Variants in ANKRD62 observed in about 807,000 individuals in gnomAD.
ANKRD62 encodes ankyrin repeat domain 62.
Under a neutral mutation model 98.8 loss-of-function variants are expected in ANKRD62, and 61 were observed. The observed-to-expected ratio is 0.62, with a 90% CI of 0.50 to 0.76. ANKRD62 has a LOEUF of 0.76. Ranked by LOEUF, ANKRD62 falls within the 30% of genes least tolerant of loss-of-function variation. The pLI is 0.00. For synonymous variants in ANKRD62, 341 were observed against 367.9 expected (o/e 0.93, Z 0.84); for missense variants, 933 against 1,082.9 (o/e 0.86, Z 1.94).
chr18:12,141,183 G>T, the ANKRD62 span, among the ~76,000 whole-genome samples: 1 of 152,214 alleles, frequency 6.6e-6, no homozygotes, highest in Non-Finnish European at 1.5e-5. Flanking sequence ...CTGGTGTGCC[G>T]TTTGTTAAGC....
chr18:12,102,263 C>A (rs1440003300), intron 6 of ANKRD62: 2 of 761,256 alleles, frequency 2.6e-6, no homozygotes, highest in African/African-American at 3.4e-5. Context: ...CACTGACGAC[C>A]CTCTCACTAG....
the ANKRD62 span, among the ~76,000 whole-genome samples, chr18:12,151,556 G>T: frequency 6.6e-6 from 1 of 152,060 alleles, no homozygotes; most frequent in Non-Finnish European, 1.5e-5. Context: ...CTAATGAAAA[G>T]AACTGAAATC....
At chr18:12,137,733 A>G in the ANKRD62 span, among the ~76,000 whole-genome samples, 1 of 152,138 alleles carries the variant, frequency 6.6e-6, no homozygotes, top group African/African-American at 2.4e-5. Context: ...AGAGCCTGCT[A>G]TTGGTCTATT....
At chr18:12,135,385 T>C in the ANKRD62 span, among the ~76,000 whole-genome samples, 1 of 150,826 alleles carries the variant, frequency 6.6e-6, no homozygotes, top group Non-Finnish European at 1.5e-5. Context: ...TCATTTTTTA[T>C]GGCTGCATAG....
At chr18:12,137,825 A>T in the ANKRD62 span, among the ~76,000 whole-genome samples, 1 of 152,166 alleles carries the variant, frequency 6.6e-6, no homozygotes, top group Non-Finnish European at 1.5e-5. Flanking sequence ...TTTCTAGTTT[A>T]TTTGCAGTGA....
chr18:12,101,162 A>G (rs1256229752), intron 6 of ANKRD62, among the ~76,000 whole-genome samples: 1 of 152,062 alleles, frequency 6.6e-6, no homozygotes, highest in Non-Finnish European at 1.5e-5. Flanking sequence ...CATTAGGTTC[A>G]TTTTGGAATG....
At position 12,097,758 on chromosome 18, in the gene ANKRD62, G is replaced by A; in HGVS notation, c.733G>A (p.Val245Ile). 6.5e-7 allele frequency: 1 copy of A among 1,535,540 alleles called. No homozygotes were observed. Among genetic ancestry groups the A allele is most frequent in the Non-Finnish European group, 8.7e-7 (1 of 1,146,448 alleles). Residue 245 changes from valine to isoleucine, a missense_variant, in exon 5 of 14, where the codon GTT (valine) becomes ATT (isoleucine). Physicochemically the swap from Val to Ile is conservative, Grantham distance 29. This residue lies in a region of ANKRD62 where 549 missense variants were observed against 587.9 expected (regional missense o/e 0.93). Transcript: ENST00000587848. ...ISGWTAEDYA[V>I]ASKFQAIRGM... ...TGGATGGACTGCAGAAGACTACGCT[G>A]TTGCTTCTAAGTTTCAAGCGTAAGT...
downstream of ANKRD62, chr18:12,129,782 G>T (rs116050807): frequency 2.0e-5 from 3 of 148,124 alleles, no homozygotes; most frequent in East Asian, 6.0e-4. Flanking sequence ...GTAATAGGTC[G>T]ATTTGTCCTA....
the ANKRD62 span, among the ~76,000 whole-genome samples, chr18:12,151,636 A>G: frequency 6.6e-6 from 1 of 152,242 alleles, no homozygotes; most frequent in East Asian, 1.9e-4. Flanking sequence ...TTAACGACCT[A>G]ACATCACAAT....
the ANKRD62 span, among the ~76,000 whole-genome samples, chr18:12,159,087 C>A: frequency 6.6e-6 from 1 of 152,040 alleles, no homozygotes; most frequent in Non-Finnish European, 1.5e-5. Flanking sequence ...AGTATAACGA[C>A]CTATTGAGTT....
At chr18:12,103,538 A>G (rs574609039) in intron 7 of ANKRD62, among the ~76,000 whole-genome samples, 1 of 152,274 alleles carries the variant, frequency 6.6e-6, no homozygotes, top group African/African-American at 2.4e-5. Flanking sequence ...AAAATTATGA[A>G]TAATTTAACA....
rs1453867372 is a variant in ANKRD62, at chr18:12,095,354, C to T, written c.333+69C>T. ...AAATTCACAGAATAAAATTAATTCA[C>T]CTCATTGAAATGTGACTAGTTGGTG... is the stretch of plus-strand genomic sequence containing the variant. On this transcript the variant is annotated intron_variant, in intron 2 of 13. Coordinates refer to ENST00000587848, the MANE Select transcript of ANKRD62 (RefSeq NM_001277333.2). The T allele has an allele frequency of 5.9e-6, 9 of 1,529,526 alleles. No individual in the cohort carries two copies. In the East Asian group the frequency reaches 7.3e-5, roughly 12 times the overall value. The allele number at this position is 1,529,526 out of a possible 1,614,324, so 94.7% of individuals were successfully genotyped here.
In ANKRD62 at chr18:12,125,550, A is replaced by G; in HGVS notation, c.1729A>G (p.Thr577Ala). Reference protein sequence around the residue: ...EIARLRLEIDTIKHQNQETEN... With the variant: ...EIARLRLEIDAIKHQNQETEN... ...TGCCAGACTCAGGCTGGAAATAGAC[A>G]CAATAAAACATCAGAACCAGGAAAC... The change falls in exon 13 of 14, where the codon ACA (threonine) becomes GCA (alanine). Residue 577 changes from threonine (T) to alanine (A), a missense_variant. This residue lies in a region of ANKRD62 where 362 missense variants were observed against 434.5 expected (regional missense o/e 0.83). Transcript: ENST00000587848. The G allele has an allele frequency of 6.6e-7, 1 of 1,524,408 alleles. No individual in the cohort carries two copies. The highest frequency in any genetic ancestry group is 8.7e-7 in the Non-Finnish European group (1 of 1,143,284). 94.4% of individuals were successfully genotyped at this position (1,524,408 alleles called of 1,614,324 possible).
chr18:12,151,286 A>G, the ANKRD62 span, among the ~76,000 whole-genome samples: 1 of 152,152 alleles, frequency 6.6e-6, no homozygotes, highest in East Asian at 1.9e-4. Context: ...AGGTTCATAA[A>G]GCGAGTTCTT....
rs899063791 is a variant in ANKRD62, at chr18:12,116,166, G to A, written c.1240+632G>A. 2.6e-5 allele frequency among the ~76,000 whole-genome samples: 4 copies of A among 152,110 alleles called. No homozygotes were observed. In the East Asian group the frequency reaches 5.8e-4, roughly 22 times the overall value. On this transcript the variant is annotated intron_variant, in intron 10 of 13. Transcript: ENST00000587848. ...GATAAGTTTTGACAGATACATACCC[G>A]TGTGAAAGTGTCACCATAATCAAGA...
chr18:12,103,220 C>A lies in ANKRD62; in HGVS notation c.883C>A (p.Gln295Lys). Residue 295 changes from glutamine (Q) to lysine (K), a missense_variant, in exon 7 of 14, where the codon CAG (glutamine) becomes AAG (lysine). Physicochemically the swap from Gln to Lys is moderately conservative, Grantham distance 53. Coordinates refer to ENST00000587848, the MANE Select transcript of ANKRD62 (RefSeq NM_001277333.2). ...AAGGCTTGAAGGATGTGAAAGTAGC[C>A]AGCCACAGGTATGTAAAAATTTAAT... ...QERLEGCESSQPQVEEKMKKC... is the reference protein window; with the variant it reads ...QERLEGCESSKPQVEEKMKKC... 7.4e-7 allele frequency: 1 copy of A among 1,351,872 alleles called. No individual in the cohort carries two copies. The highest frequency in any genetic ancestry group is 2.2e-5 in the South Asian group (1 of 45,366). 83.7% of individuals were successfully genotyped at this position (1,351,872 alleles called of 1,614,324 possible).
At chr18:12,137,147 C>T in the ANKRD62 span, among the ~76,000 whole-genome samples, 58 of 152,202 alleles carry the variant, frequency 3.8e-4, no homozygotes, top group African/African-American at 3.6e-4. Flanking sequence ...GGAATGCTTC[C>T]AGTTTTTGCC....
the ANKRD62 span, among the ~76,000 whole-genome samples, chr18:12,164,926 T>C: frequency 6.6e-6 from 1 of 152,132 alleles, no homozygotes; most frequent in South Asian, 2.1e-4. Context: ...TCTTTTTAGC[T>C]GTAATAATAT....
intron 4 of ANKRD62, among the ~76,000 whole-genome samples, chr18:12,097,410 TA>T: frequency 6.6e-6 from 1 of 152,338 alleles, no homozygotes. Context: ...CAACTTCTGC[TA>T]TGTCATATCC....
Sources: allele counts gnomAD v4.1 joint callset (sites outside exome capture counted in the v4.1 genomes callset), GRCh38; gene constraint gnomAD v4.1.1; regional missense constraint gnomAD v4.1.1; transcripts MANE v1.5; gene names NCBI Gene and HGNC (gene_info 2026-07-23, HGNC 2026-07-21).